Variants in MAP2K6 observed in about 807,000 individuals in gnomAD.
The protein encoded by MAP2K6 is dual specificity mitogen-activated protein kinase kinase 6.
MAP2K6 carries 16 observed loss-of-function variants against 53.7 expected under a neutral mutation model. The observed-to-expected ratio is 0.30, with a 90% CI of 0.20 to 0.45. MAP2K6 has a LOEUF of 0.45. MAP2K6 is among the 20% of genes least tolerant of loss of function. MAP2K6 has a pLI of 1.00. For missense variants in MAP2K6, 204 were observed against 411.9 expected (o/e 0.50, Z 4.37); for synonymous variants, 132 against 143.1 (o/e 0.92, Z 0.55).
chr17:69,466,605 C>T (rs1419371701), intron 1 of MAP2K6, among the ~76,000 whole-genome samples: 3 of 152,188 alleles, frequency 2.0e-5, no homozygotes, highest in Non-Finnish European at 4.4e-5. Flanking sequence ...CATTCCAAAG[C>T]AAAAGTGGAA....
Position 69,547,473 on chromosome 17 carries a change from A to G in MAP2K6, c.*5720A>G, listed in dbSNP as rs78679262. The G allele has an allele frequency of 6.6e-6, 1 of 152,264 alleles. No individual in the cohort carries two copies. Among genetic ancestry groups the G allele is most frequent in the African/African-American group, 2.4e-5 (1 of 41,484 alleles). The allele number at this position is 152,264 out of a possible 1,614,324, so 9.4% of individuals were successfully genotyped here. Reference sequence around the variant, plus strand: ...TATTTACAAACCAAGCAATGGGCCAAATTTGGCCCACAGGCCATGGTTTGC... The same window carrying G: ...TATTTACAAACCAAGCAATGGGCCAGATTTGGCCCACAGGCCATGGTTTGC... On this transcript the variant is annotated 3_prime_UTR_variant, in exon 12 of 12. Coordinates refer to ENST00000590474, the MANE Select transcript of MAP2K6 (RefSeq NM_002758.4).
chr17:69,521,666 C>T (rs1409728553), intron 7 of MAP2K6: 1 of 152,018 alleles, frequency 6.6e-6, no homozygotes, highest in South Asian at 2.1e-4. Context: ...CATTCATTTT[C>T]TATCCCCCCA....
intron 1 of MAP2K6, among the ~76,000 whole-genome samples, chr17:69,430,471 A>T (rs707247): frequency 0.6 from 90,595 of 152,180 alleles, 28,440 homozygotes; most frequent in African/African-American, 0.81. Context: ...GTTCTGCCTG[A>T]AAGAAATGAT....
At chr17:69,478,580 C>G (rs1208264492) in intron 1 of MAP2K6, among the ~76,000 whole-genome samples, 1 of 152,148 alleles carries the variant, frequency 6.6e-6, no homozygotes, top group Non-Finnish European at 1.5e-5. Flanking sequence ...TTGCAGGCGA[C>G]TGCCACCATG....
chr17:69,535,213 G>A (rs962447139), intron 10 of MAP2K6, among the ~76,000 whole-genome samples: 2 of 152,132 alleles, frequency 1.3e-5, no homozygotes, highest in Non-Finnish European at 2.9e-5. Flanking sequence ...AAGAATAATT[G>A]CTGTCACTGA....
rs767842088 is a variant in MAP2K6 at position 69,415,014 on chromosome 17, T to G, written c.16+14T>G. The G allele has an allele frequency of 1.3e-6, 2 of 1,543,132 alleles. No homozygotes were observed. Among genetic ancestry groups the G allele is most frequent in the Admixed American group, 3.3e-5 (2 of 59,776 alleles). On this transcript the variant is annotated intron_variant, in intron 1 of 11. Transcript: ENST00000590474. ...CTCAGTCGAAAGGTAAGAGGCTGTT[T>G]GCATTAGTTGCAAAAATGCAAAGGG...
At chr17:69,541,208 A>G (rs1911606741) in intron 11 of MAP2K6, among the ~76,000 whole-genome samples, 3 of 152,222 alleles carry the variant, frequency 2.0e-5, no homozygotes, top group Admixed American at 6.5e-5. Flanking sequence ...GTTTGCAGTG[A>G]GCCAAGATCG....
At chr17:69,439,003 A>G (rs1906734690) in intron 1 of MAP2K6, among the ~76,000 whole-genome samples, 3 of 152,216 alleles carry the variant, frequency 2.0e-5, no homozygotes, top group Non-Finnish European at 4.4e-5. Context: ...CCCTACTTGC[A>G]TAGCTCTGTG....
chr17:69,469,917 T>G (rs1372701301), intron 1 of MAP2K6, among the ~76,000 whole-genome samples: 1 of 151,788 alleles, frequency 6.6e-6, no homozygotes, highest in Non-Finnish European at 1.5e-5. Context: ...ACAATGGGCC[T>G]GGCATGGTGG....
At chr17:69,488,960 C>T (rs1294880776) in intron 1 of MAP2K6, among the ~76,000 whole-genome samples, 1 of 152,070 alleles carries the variant, frequency 6.6e-6, no homozygotes, top group Non-Finnish European at 1.5e-5. Flanking sequence ...GTGGCTCATG[C>T]CTGTAATCCC....
chr17:69,450,332 A>T (rs1234520062), intron 1 of MAP2K6, among the ~76,000 whole-genome samples: 3 of 152,150 alleles, frequency 2.0e-5, no homozygotes, highest in Admixed American at 2.0e-4. Flanking sequence ...TTTAAAAATG[A>T]ATCACAATAA....
intron 6 of MAP2K6, chr17:69,520,776 A>C (rs1459382680): frequency 4.9e-6 from 2 of 410,938 alleles, no homozygotes; most frequent in Non-Finnish European, 8.6e-6. Flanking sequence ...CTTCATGGCT[A>C]TTCAGGCTCA....
chr17:69,416,673 AG>A (rs1317598877), intron 1 of MAP2K6, among the ~76,000 whole-genome samples: 1 of 127,126 alleles, frequency 7.9e-6, no homozygotes, highest in Non-Finnish European at 1.8e-5. Context: ...TTTAAAATGA[AG>A]TTTTTCCTTC....
At chr17:69,525,082 G>A (rs1034324426) in intron 9 of MAP2K6, 104 bp downstream of exon 9, 4 of 903,364 alleles carry the variant, frequency 4.4e-6, no homozygotes, top group Non-Finnish European at 7.2e-6. Flanking sequence ...CTGGTTTGGG[G>A]CGCCCTCTCC....
chr17:69,434,722 G>A (rs956702818), intron 1 of MAP2K6: 2 of 151,920 alleles, frequency 1.3e-5, no homozygotes, highest in African/African-American at 4.8e-5. Context: ...AATTTCCAAA[G>A]TCTGTATCCA....
chr17:69,500,271 C>T (rs1416775404), intron 1 of MAP2K6, among the ~76,000 whole-genome samples: 1 of 151,638 alleles, frequency 6.6e-6, no homozygotes, highest in Non-Finnish European at 1.5e-5. Context: ...GAAACCCCAT[C>T]TCTACTAAAA....
At chr17:69,506,845 G>T (rs1909516509) in intron 2 of MAP2K6, among the ~76,000 whole-genome samples, 1 of 152,204 alleles carries the variant, frequency 6.6e-6, no homozygotes, top group African/African-American at 2.4e-5. Context: ...CAGGGTTCTG[G>T]ACTGTAGCTC....
At chr17:69,443,681 G>T (rs901720889) in intron 1 of MAP2K6, among the ~76,000 whole-genome samples, 1 of 152,108 alleles carries the variant, frequency 6.6e-6, no homozygotes, top group African/African-American at 2.4e-5. Flanking sequence ...CATCACTGGG[G>T]TTTAGGGTAA....
At chr17:69,437,441 G>C (rs1284859900) in intron 1 of MAP2K6, among the ~76,000 whole-genome samples, 2 of 152,078 alleles carry the variant, frequency 1.3e-5, no homozygotes, top group African/African-American at 4.8e-5. Context: ...CAGGGGTGGA[G>C]AGGAAGGCAG....
Sources: allele counts gnomAD v4.1 joint callset (sites outside exome capture counted in the v4.1 genomes callset), GRCh38; gene constraint gnomAD v4.1.1; transcripts MANE v1.5; gene names NCBI Gene and HGNC (gene_info 2026-07-23, HGNC 2026-07-21).